RAP1GAP2: variants seen among roughly 807,000 people sequenced by gnomAD.
RAP1GAP2 encodes RAP1 GTPase activating protein 2, also known as rap1 GTPase-activating protein 2.
Under a neutral mutation model 95.0 loss-of-function variants are expected in RAP1GAP2, and 27 were observed. The observed-to-expected ratio is 0.28, with a 90% CI of 0.21 to 0.39. The LOEUF is 0.39. Ranked by LOEUF, RAP1GAP2 falls within the 10% of genes least tolerant of loss-of-function variation. The pLI is 1.00. For synonymous variants in RAP1GAP2, 373 were observed against 380.9 expected (o/e 0.98, Z 0.24); for missense variants, 771 against 970.0 (o/e 0.79, Z 2.72).
At chr17:2,850,749 C>CA (rs11323119) in intron 2 of RAP1GAP2, among the ~76,000 whole-genome samples, 34,608 of 91,128 alleles carry the variant, frequency 0.38, 6,349 homozygotes, top group East Asian at 0.44. Flanking sequence ...GACTCCACCT[C>CA]AAAAAAAAAA....
At chr17:2,856,177 C>T (rs950851183) in intron 2 of RAP1GAP2, among the ~76,000 whole-genome samples, 2 of 152,138 alleles carry the variant, frequency 1.3e-5, no homozygotes, top group African/African-American at 4.8e-5. Flanking sequence ...CAGCCTGGGC[C>T]TGCTTTGAGG....
At chr17:2,927,381 C>T (rs918541092) in intron 3 of RAP1GAP2, among the ~76,000 whole-genome samples, 11 of 151,884 alleles carry the variant, frequency 7.2e-5, no homozygotes, top group South Asian at 2.1e-4. Context: ...TCTCGATCTC[C>T]TGACCTCGTG....
chr17:2,800,761 C>T (rs939728595), intron 2 of RAP1GAP2, among the ~76,000 whole-genome samples: 3 of 151,980 alleles, frequency 2.0e-5, no homozygotes. Context: ...AATGGAATCA[C>T]CAGGGGCTAG....
At chr17:2,917,694 T>C (rs143547365) in intron 3 of RAP1GAP2, among the ~76,000 whole-genome samples, 3,351 of 152,024 alleles carry the variant, frequency 0.022, 123 homozygotes, top group African/African-American at 0.076. Context: ...TGTGAGCCAC[T>C]GTGCCTGGCC....
intron 2 of RAP1GAP2, among the ~76,000 whole-genome samples, chr17:2,824,380 G>C (rs1471106103): frequency 6.6e-6 from 1 of 150,836 alleles, no homozygotes; most frequent in African/African-American, 2.4e-5. Flanking sequence ...CCGGGAGGCG[G>C]AGGTTTCAGT....
At chr17:3,011,877 G>C (rs2046560241) in intron 17 of RAP1GAP2, among the ~76,000 whole-genome samples, 1 of 151,774 alleles carries the variant, frequency 6.6e-6, no homozygotes, top group Non-Finnish European at 1.5e-5. Context: ...GCCTCCCAAA[G>C]TGCTGGGATT....
chr17:2,886,380 C>G (rs1374991670), intron 2 of RAP1GAP2, among the ~76,000 whole-genome samples: 1 of 151,986 alleles, frequency 6.6e-6, no homozygotes, highest in Non-Finnish European at 1.5e-5. Context: ...ACCACGTTAT[C>G]CAGGCTGGTC....
At chr17:2,913,910 G>A (rs1405821909) in intron 3 of RAP1GAP2, among the ~76,000 whole-genome samples, 1 of 150,828 alleles carries the variant, frequency 6.6e-6, no homozygotes, top group East Asian at 2.0e-4. Context: ...TCGCTCTGTT[G>A]CCCAGGCTGG....
At chr17:2,875,449 G>T (rs940867547) in intron 2 of RAP1GAP2, among the ~76,000 whole-genome samples, 3 of 152,124 alleles carry the variant, frequency 2.0e-5, no homozygotes, top group Admixed American at 2.0e-4. Context: ...GGTTACAGGG[G>T]TAACATTGGC....
chr17:2,893,389 C>T (rs780125747), intron 2 of RAP1GAP2, among the ~76,000 whole-genome samples: 2 of 152,132 alleles, frequency 1.3e-5, no homozygotes, highest in Non-Finnish European at 2.9e-5. Flanking sequence ...ATAATAAATG[C>T]GTGTGGTCAG....
intron 2 of RAP1GAP2, among the ~76,000 whole-genome samples, chr17:2,837,611 T>C (rs1045427672): frequency 1.3e-5 from 2 of 148,676 alleles, no homozygotes; most frequent in Non-Finnish European, 3.0e-5. Context: ...CTGCTTCTTT[T>C]TTTTTTTTTT....
At chr17:2,981,851 C>T (rs944483466) in intron 10 of RAP1GAP2, among the ~76,000 whole-genome samples, 7 of 152,142 alleles carry the variant, frequency 4.6e-5, no homozygotes, top group Admixed American at 3.3e-4. Context: ...AATTATGGCA[C>T]AAGAGGACTG....
At chr17:2,808,105 C>T (rs969022246) in intron 2 of RAP1GAP2, among the ~76,000 whole-genome samples, 12 of 152,020 alleles carry the variant, frequency 7.9e-5, no homozygotes, top group Admixed American at 5.9e-4. Flanking sequence ...TTTTTCCTTT[C>T]GCCCAGTAAA....
intron 2 of RAP1GAP2, among the ~76,000 whole-genome samples, chr17:2,875,330 G>A (rs1347001946): frequency 2.0e-5 from 3 of 152,154 alleles, no homozygotes; most frequent in Non-Finnish European, 4.4e-5. Context: ...GCCTCCCAAA[G>A]TGCTGGGATT....
At chr17:2,888,143 T>C (rs1445908265) in intron 2 of RAP1GAP2, among the ~76,000 whole-genome samples, 1 of 152,226 alleles carries the variant, frequency 6.6e-6, no homozygotes, top group Admixed American at 6.5e-5. Context: ...TGATTTCTAA[T>C]TGACACATAA....
At chr17:2,923,041 ATTTT>A (rs35642475) in intron 3 of RAP1GAP2, among the ~76,000 whole-genome samples, 2 of 124,772 alleles carry the variant, frequency 1.6e-5, no homozygotes, top group Admixed American at 8.2e-5. Flanking sequence ...ACACCTGGCT[ATTTT>A]TTTTTTTTTT....
At chr17:2,847,424 A>T (rs1458194976) in intron 2 of RAP1GAP2, among the ~76,000 whole-genome samples, 1 of 152,220 alleles carries the variant, frequency 6.6e-6, no homozygotes, top group Non-Finnish European at 1.5e-5. Context: ...TGCTACCCAA[A>T]GCCCTAGTCG....
chr17:2,978,443 C>G (rs2045217434), intron 8 of RAP1GAP2, among the ~76,000 whole-genome samples: 1 of 151,912 alleles, frequency 6.6e-6, no homozygotes, highest in African/African-American at 2.4e-5. Context: ...GTATGCTGGA[C>G]AAAGGGAAAA....
chr17:2,958,931 C>G (rs1336962452), intron 4 of RAP1GAP2, among the ~76,000 whole-genome samples: 2 of 152,094 alleles, frequency 1.3e-5, no homozygotes, highest in Admixed American at 1.3e-4. Context: ...GTCCTCTGCG[C>G]CCAGCAGCGT....
Sources: gnomAD v4.1 joint callset for allele counts (sites outside exome capture counted in the v4.1 genomes callset) on GRCh38, gnomAD v4.1.1 for gene constraint, MANE v1.5 for transcripts, NCBI Gene and HGNC (gene_info 2026-07-23, HGNC 2026-07-21) for gene names.